Variants in PUSL1 observed in about 807,000 individuals in gnomAD.
The protein encoded by PUSL1 is tRNA pseudouridine synthase-like 1.
PUSL1 carries 51 observed loss-of-function variants against 30.7 expected under a neutral mutation model. The observed-to-expected ratio is 1.66, with a 90% CI of 1.33 to 2.10. PUSL1 has a LOEUF of 2.10. Ranked by LOEUF, PUSL1 falls within the 30% of genes most tolerant of loss-of-function variation. The pLI is 0.00. For synonymous variants in PUSL1, 290 were observed against 192.1 expected (o/e 1.51, Z -4.21); for missense variants, 609 against 427.6 (o/e 1.42, Z -3.74).
At position 1,310,876 on chromosome 1, in the gene PUSL1, CGGCTCTGGGTCACAGGT is replaced by C; in HGVS notation, c.700-15_701del. ...GACGGCTGTGCTGGTGGGTCACGGG[CGGCTCTGGGTCACAGGT>C]GGCTCTGGGTCACAGGTACGGAGGA... On this transcript the variant is annotated splice_polypyrimidine_tract_variant and intron_variant, in intron 6 of 7. Transcript: ENST00000379031. 20,752 of 1,596,590 alleles carry C rather than the reference CGGCTCTGGGTCACAGGT, an allele frequency of 0.013. 854 individuals are homozygous for C. The highest frequency in any genetic ancestry group is 0.031 in the Middle Eastern group (180 of 5,892).
chr1:1,310,605 C>T, intron 5 of PUSL1, 29 bp from the exon 6 acceptor site: 1 of 1,501,210 alleles, frequency 6.7e-7, no homozygotes, highest in Non-Finnish European at 9.0e-7. Context: ...CACTGCCCCA[C>T]AGACACCTAC....
Position 1,309,197 on chromosome 1 carries a change from C to A in PUSL1, c.247C>A (p.Arg83Ser), listed in dbSNP as rs1018380057. Residue 83 changes from arginine (R) to serine (S), a missense_variant, in exon 3 of 8, where the codon CGC becomes AGC. By Grantham distance (110) the Arg-to-Ser change is moderately radical (BLOSUM62 -1). Transcript: ENST00000379031. ...SNAAHLDVQR[R>S]SGRPPFPPEV... ...CGCGGCGCACCTGGACGTCCAGCGCCGCTCAGGCCGGCCGCCCTTCCCGCC... is the reference window on the plus strand; with the variant it reads ...CGCGGCGCACCTGGACGTCCAGCGCAGCTCAGGCCGGCCGCCCTTCCCGCC... 1 of 1,532,754 alleles carries A rather than the reference C, an allele frequency of 6.5e-7. No homozygotes were observed. The highest frequency in any genetic ancestry group is 8.7e-7 in the Non-Finnish European group (1 of 1,148,912). 94.9% of individuals were successfully genotyped at this position (1,532,754 alleles called of 1,614,324 possible). A position where few individuals can be genotyped will look rare whatever the true frequency, so the allele number is the denominator to read the frequency against.
intron 5 of PUSL1, chr1:1,310,093 G>C: frequency 1.9e-6 from 1 of 522,434 alleles, no homozygotes; most frequent in East Asian, 3.2e-5. Context: ...TGCCATGCCT[G>C]ATGGAAGAAT....
Position 1,309,094 on chromosome 1 carries a change from C to A in PUSL1, c.144C>A (p.Ala48=), listed in dbSNP as rs747688345. The A allele has an allele frequency of 9.4e-6, 14 of 1,491,980 alleles. No homozygotes were observed. The highest frequency in any genetic ancestry group is 2.2e-4 in the Middle Eastern group (1 of 4,558). The allele number at this position is 1,491,980 out of a possible 1,614,324, so 92.4% of individuals were successfully genotyped here. The change falls in exon 3 of 8, where the codon GCC becomes GCA. Residue 48 remains alanine (A), a synonymous_variant. Coordinates refer to ENST00000379031, the MANE Select transcript of PUSL1 (RefSeq NM_153339.3). The part of the protein sequence containing the change: ...VGVQNYLEEA[A]ERLNSVEPVR... ...GCGGCTCGGTCCTGCAGGAGGCCGC[C>A]GAGCGGCTGAATTCCGTGGAGCCGG...
chr1:1,309,320 C>T (rs556778922), intron 3 of PUSL1, 47 bp downstream of exon 3: 11 of 1,448,582 alleles, frequency 7.6e-6, no homozygotes, highest in East Asian at 7.5e-5. Flanking sequence ...TTCCCGACTC[C>T]ATCTGTCGCG....
At chr1:1,308,791 GC>G in intron 1 of PUSL1, 71 bp downstream of exon 1, 2 of 1,446,868 alleles carry the variant, frequency 1.4e-6, no homozygotes, top group Non-Finnish European at 1.8e-6. Flanking sequence ...GCGCGGGCGG[GC>G]AGGCGGATGT....
At position 1,309,469 on chromosome 1, in the gene PUSL1, C is replaced by A; in HGVS notation, c.339C>A (p.Phe113Leu). The stretch of plus-strand genomic sequence containing the variant: ...GCCGCCATAGGGTCCTGCGGGCCTT[C>A]CGAGTGCCCAGCGACTTCCACGCTC... Reference protein sequence around the residue: ...RHPAIRVLRAFRVPSDFHARH... With the variant: ...RHPAIRVLRALRVPSDFHARH... The change falls in exon 4 of 8, where the codon TTC becomes TTA. Residue 113 changes from phenylalanine to leucine, a missense_variant. By Grantham distance (22) the Phe-to-Leu change is conservative (BLOSUM62 0). Transcript: ENST00000379031. 2 of 1,604,570 alleles carry A rather than the reference C, an allele frequency of 1.2e-6. No homozygotes were observed. The highest frequency in any genetic ancestry group is 1.7e-6 in the Non-Finnish European group (2 of 1,176,218).
chr1:1,310,740 G>C, intron 6 of PUSL1, 52 bp downstream of exon 6: 1 of 1,605,290 alleles, frequency 6.2e-7, no homozygotes, highest in East Asian at 2.2e-5. Context: ...GGGTGGGCAG[G>C]CCCCTGTGCA....
rs1485937260 is a variant in PUSL1 at position 1,308,711 on chromosome 1, C to G, written c.68C>G (p.Thr23Ser). 2 of 1,556,224 alleles carry G rather than the reference C, an allele frequency of 1.3e-6. No homozygotes were observed. The highest frequency in any genetic ancestry group is 2.4e-5 in the South Asian group (2 of 84,566). Residue 23 changes from threonine to serine, a missense_variant, in exon 1 of 8, where the codon ACC becomes AGC. Coordinates refer to ENST00000379031, the MANE Select transcript of PUSL1 (RefSeq NM_153339.3). ...CTTGTGTACTTCCAGTACGTGGGCA[C>G]CGACTTTAAGTAGGTTTCCCAGGCG... ...RYLVYFQYVG[T>S]DFNGVAAVRG...
intron 6 of PUSL1, 81 bp downstream of exon 6, chr1:1,310,769 G>A (rs1275358161): frequency 6.3e-7 from 1 of 1,599,898 alleles, no homozygotes; most frequent in Non-Finnish European, 8.5e-7. Flanking sequence ...TCTGGGTCGT[G>A]GGCGGCTCTG....
chr1:1,311,283 T>C (rs1642133362), intron 7 of PUSL1, 47 bp from the exon 8 acceptor site: 1 of 1,498,620 alleles, frequency 6.7e-7, no homozygotes, highest in African/African-American at 1.4e-5. Context: ...GGGAGGGTGC[T>C]GGGCCGGTCT....
rs777236653 is a variant in PUSL1 at position 1,309,124 on chromosome 1, G to T, written c.174G>T (p.Arg58Ser). The T allele has an allele frequency of 2.0e-6, 3 of 1,525,550 alleles. No individual in the cohort carries two copies. Among genetic ancestry groups the T allele is most frequent in the Non-Finnish European group, 2.6e-6 (3 of 1,144,360 alleles). 94.5% of individuals were successfully genotyped at this position (1,525,550 alleles called of 1,614,324 possible). ...GGCTGAATTCCGTGGAGCCGGTCAGGTTCACCATCTCCAGCCGCACGGACG... is the reference window on the plus strand; with the variant it reads ...GGCTGAATTCCGTGGAGCCGGTCAGTTTCACCATCTCCAGCCGCACGGACG... ...AERLNSVEPV[R>S]FTISSRTDAG... Residue 58 changes from arginine (R) to serine (S), a missense_variant, in exon 3 of 8, where the codon AGG (arginine) becomes AGT (serine). By Grantham distance (110) the Arg-to-Ser change is moderately radical. Coordinates refer to ENST00000379031, the MANE Select transcript of PUSL1 (RefSeq NM_153339.3).
At chr1:1,311,099 T>C (rs1034143054) in intron 7 of PUSL1, 28 bp downstream of exon 7, 2 of 1,576,548 alleles carry the variant, frequency 1.3e-6, no homozygotes, top group Non-Finnish European at 1.7e-6. Flanking sequence ...GAGAAGCTCC[T>C]GTCATGTGCC....
intron 5 of PUSL1, 60 bp downstream of exon 5, chr1:1,309,911 A>C: frequency 7.6e-7 from 1 of 1,317,382 alleles, no homozygotes; most frequent in Non-Finnish European, 1.0e-6. Flanking sequence ...TTTTAGCTCC[A>C]GCACCTCCCC....
At chr1:1,310,505 G>A (rs1642066704) in intron 5 of PUSL1, 129 bp from the exon 6 acceptor site, 5 of 736,046 alleles carry the variant, frequency 6.8e-6, no homozygotes, top group Middle Eastern at 3.7e-4. Context: ...CAGGGCCCCT[G>A]GTGGCCAAGC....
intron 7 of PUSL1, 77 bp downstream of exon 7, chr1:1,311,148 G>C (rs1570694737): frequency 1.3e-6 from 2 of 1,523,422 alleles, no homozygotes; most frequent in South Asian, 2.5e-5. Flanking sequence ...TGGGGGGCCA[G>C]GGGCCACTGA....
At position 1,309,750 on chromosome 1, in the gene PUSL1, C is replaced by T. The variant is rs1172981137; in HGVS notation, c.543C>T (p.Phe181=). The T allele has an allele frequency of 1.9e-6, 3 of 1,592,514 alleles. No individual in the cohort carries two copies. Among genetic ancestry groups the T allele is most frequent in the Non-Finnish European group, 2.6e-6 (3 of 1,169,996 alleles). ...TCGGCACACACGACTTCAGCGCCTT[C>T]CAGTCCGCTGGCAGCCCGGTGCCGA... The part of the protein sequence containing the change: ...HLLGTHDFSA[F]QSAGSPVPSP... The change falls in exon 5 of 8, where the codon TTC becomes TTT. Residue 181 remains phenylalanine (F), a synonymous_variant. Coordinates refer to ENST00000379031, the MANE Select transcript of PUSL1 (RefSeq NM_153339.3).
intron 3 of PUSL1, 33 bp downstream of exon 3, chr1:1,309,306 T>C: frequency 6.8e-7 from 1 of 1,462,058 alleles, no homozygotes; most frequent in South Asian, 1.4e-5. Context: ...CCTGGGGCTG[T>C]GCCTTCCCGA....
intron 7 of PUSL1, 77 bp downstream of exon 7, chr1:1,311,148 G>A (rs1570694737): frequency 2.0e-6 from 3 of 1,523,540 alleles, no homozygotes; most frequent in South Asian, 1.3e-5. Context: ...TGGGGGGCCA[G>A]GGGCCACTGA....
Sources: gnomAD v4.1 joint callset for allele counts on GRCh38, gnomAD v4.1.1 for gene constraint, MANE v1.5 for transcripts, NCBI Gene and HGNC (gene_info 2026-07-23, HGNC 2026-07-21) for gene names.